The following RTTN variants were observed in gnomAD, a reference collection of about 807,000 sequenced individuals.
RTTN encodes the protein rotatin.
Under a neutral mutation model 269.2 loss-of-function variants are expected in RTTN, and 182 were observed. The ratio of observed to expected loss-of-function variants is 0.68; its 90% confidence interval spans 0.60 to 0.76. The LOEUF is 0.76. RTTN is among the 30% of genes least tolerant of loss of function. The probability of loss-of-function intolerance (pLI) is 0.00; values close to 1 mark genes in which losing one functional copy is unlikely to be tolerated. For synonymous variants in RTTN, 1,006 were observed against 963.5 expected (o/e 1.04, Z -0.82); for missense variants, 2,545 against 2,608.6 (o/e 0.98, Z 0.53).
chr18:70,016,318 T>C (rs2056536063), intron 46 of RTTN, among the ~76,000 whole-genome samples: 2 of 152,272 alleles, frequency 1.3e-5, no homozygotes, highest in South Asian at 4.2e-4. Flanking sequence ...AACAAGAGAA[T>C]GAATCTATCT....
intron 39 of RTTN, among the ~76,000 whole-genome samples, chr18:70,049,077 GT>G (rs1402461941): frequency 2.6e-5 from 4 of 152,170 alleles, no homozygotes; most frequent in African/African-American, 9.7e-5. Flanking sequence ...AGATAAATAA[GT>G]TTAAGTCAGA....
In RTTN at chr18:70,017,813, CCATCTATATTATT is replaced by C. The variant is rs1363331068; in HGVS notation, c.6154-152_6154-140del. ...TCCTTTCTAATAGCTTCTGAATATT[CCATCTATATTATT>C]TCCAAGCATAAGTGAAAAAGGTAAG... On this transcript the variant is annotated intron_variant, in intron 45 of 48. Transcript: ENST00000640769. 4 of 681,088 alleles carry C rather than the reference CCATCTATATTATT, an allele frequency of 5.9e-6. No homozygotes were observed. In the East Asian group the frequency reaches 1.1e-4, roughly 19 times the overall value. The allele number at this position is 681,088 out of a possible 1,614,324, so 42.2% of individuals were successfully genotyped here.
At chr18:70,182,522 AG>A (rs2061443456) in intron 10 of RTTN, among the ~76,000 whole-genome samples, 1 of 152,184 alleles carries the variant, frequency 6.6e-6, no homozygotes, top group Non-Finnish European at 1.5e-5. Flanking sequence ...GAAGGAAGAA[AG>A]GGAGAGGAAG....
At chr18:70,134,285 A>C (rs1256450398) in intron 23 of RTTN, among the ~76,000 whole-genome samples, 188 bp downstream of exon 23, 1 of 152,128 alleles carries the variant, frequency 6.6e-6, no homozygotes, top group Non-Finnish European at 1.5e-5. Flanking sequence ...AACGGTATCA[A>C]AATAAAAAAT....
At chr18:70,193,197 G>C (rs1341651317) in intron 8 of RTTN, 91 bp downstream of exon 8, 4 of 910,160 alleles carry the variant, frequency 4.4e-6, no homozygotes, top group Admixed American at 3.4e-5. Context: ...AAAAAAAAAA[G>C]GACAGAAAAA....
intron 36 of RTTN, among the ~76,000 whole-genome samples, chr18:70,058,923 TC>T: frequency 6.6e-6 from 1 of 152,340 alleles, no homozygotes; most frequent in Non-Finnish European, 1.5e-5. Flanking sequence ...GTTTATATTT[TC>T]TAGAGTTTTC....
At chr18:70,183,583 CAACCTT>C (rs1195611550) in intron 10 of RTTN, among the ~76,000 whole-genome samples, 2 of 152,124 alleles carry the variant, frequency 1.3e-5, no homozygotes, top group African/African-American at 4.8e-5. Flanking sequence ...CAGGGTTTCT[CAACCTT>C]AACACTTCCT....
chr18:70,070,612 C>T (rs1438975412), intron 34 of RTTN, among the ~76,000 whole-genome samples: 4 of 152,102 alleles, frequency 2.6e-5, no homozygotes, highest in African/African-American at 9.7e-5. Flanking sequence ...CTGAAATATC[C>T]TTACATCTTT....
intron 28 of RTTN, among the ~76,000 whole-genome samples, chr18:70,108,741 GA>G (rs1257759163): frequency 6.6e-6 from 1 of 151,698 alleles, no homozygotes; most frequent in Admixed American, 6.6e-5. Context: ...GAATATAAGG[GA>G]AAAATCATGT....
intron 23 of RTTN, among the ~76,000 whole-genome samples, chr18:70,133,760 T>G (rs2060054502): frequency 6.6e-6 from 1 of 152,154 alleles, no homozygotes; most frequent in Non-Finnish European, 1.5e-5. Context: ...GTCAGTAATA[T>G]TCTATGTCAA....
chr18:70,132,619 T>C (rs1377632566), intron 23 of RTTN, among the ~76,000 whole-genome samples: 2 of 151,922 alleles, frequency 1.3e-5, no homozygotes, highest in Admixed American at 1.3e-4. Flanking sequence ...ATATGGCATA[T>C]CAAATTCGTG....
Position 70,099,618 on chromosome 18 carries a change from C to T in RTTN, c.3904-6814G>A, listed in dbSNP as rs372010380. 4.6e-5 allele frequency among the ~76,000 whole-genome samples: 7 copies of T among 152,236 alleles called. No individual in the cohort carries two copies. In the Middle Eastern group the frequency reaches 0.01, roughly 222 times the overall value. On this transcript the variant is annotated intron_variant, in intron 28 of 48. Transcript: ENST00000640769. Reference sequence around the variant, plus strand: ...CATTTGTCTATTTTGGCTTTTGTTGCCATTGCTTTTGGTATTTTAGTCATG... The same window carrying T: ...CATTTGTCTATTTTGGCTTTTGTTGTCATTGCTTTTGGTATTTTAGTCATG...
intron 21 of RTTN, among the ~76,000 whole-genome samples, chr18:70,135,881 G>C (rs1484042378): frequency 6.6e-6 from 1 of 152,164 alleles, no homozygotes; most frequent in South Asian, 2.1e-4. Context: ...GCCCTGGTGA[G>C]ATTCTTTAAC....
chr18:70,025,234 C>A (rs959989979), intron 43 of RTTN, among the ~76,000 whole-genome samples: 8 of 152,204 alleles, frequency 5.3e-5, no homozygotes, highest in African/African-American at 1.9e-4. Context: ...GTCCTCTTTG[C>A]CCACCCTCTC....
At chr18:70,095,132 T>TG (rs200775001) in intron 28 of RTTN, among the ~76,000 whole-genome samples, 2,931 of 151,862 alleles carry the variant, frequency 0.019, 100 homozygotes, top group African/African-American at 0.066. Context: ...TCCTGCTTTT[T>TG]TTTTTCTTTC....
chr18:70,031,211 T>A, intron 40 of RTTN: 2 of 530,890 alleles, frequency 3.8e-6, no homozygotes, highest in African/African-American at 1.9e-5. Flanking sequence ...AGACTCATCA[T>A]CTACAGAAAA....
At chr18:70,011,290 A>C (rs1335112998) in intron 46 of RTTN, among the ~76,000 whole-genome samples, 1 of 152,232 alleles carries the variant, frequency 6.6e-6, no homozygotes, top group Non-Finnish European at 1.5e-5. Flanking sequence ...ACACAAAAAA[A>C]GGAAATTTCA....
chr18:70,066,641 G>A (rs1208156961), intron 34 of RTTN, among the ~76,000 whole-genome samples: 1 of 152,162 alleles, frequency 6.6e-6, no homozygotes, highest in Non-Finnish European at 1.5e-5. Flanking sequence ...TCTCTTCTGT[G>A]AAGTAACATG....
At chr18:70,175,879 T>C (rs2061279546) in intron 11 of RTTN, among the ~76,000 whole-genome samples, 1 of 152,142 alleles carries the variant, frequency 6.6e-6, no homozygotes, top group African/African-American at 2.4e-5. Flanking sequence ...TTGTATTCTG[T>C]GTGTCAAGGA....
Sources: allele counts gnomAD v4.1 joint callset (sites outside exome capture counted in the v4.1 genomes callset), GRCh38; gene constraint gnomAD v4.1.1; transcripts MANE v1.5; gene names NCBI Gene and HGNC (gene_info 2026-07-23, HGNC 2026-07-21).